TRMT11: variants seen among roughly 807,000 people sequenced by gnomAD.
TRMT11 encodes tRNA (guanine(10)-N(2))-methyltransferase TRMT11.
In TRMT11, 53 loss-of-function variants were observed where a neutral mutation model predicts 62.8. That is an observed-to-expected ratio of 0.84 (90% CI 0.68 to 1.06). The LOEUF (loss-of-function observed/expected upper bound fraction) is 1.06. Ranked by LOEUF, TRMT11 falls within the 50% of genes least tolerant of loss-of-function variation. The pLI, the probability that TRMT11 is intolerant of heterozygous loss-of-function variation, is 0.00. For missense variants in TRMT11, 556 were observed against 553.4 expected, an observed-to-expected ratio of 1.00 and a Z score of -0.05; for synonymous variants, 188 against 190.3, an observed-to-expected ratio of 0.99 and a Z score of 0.10.
At chr6:126,192,999 A>G (rs1471666673) in intron 1 of TRMT11, among the ~76,000 whole-genome samples, 1 of 152,164 alleles carries the variant, frequency 6.6e-6, no homozygotes, top group East Asian at 1.9e-4. Flanking sequence ...ATAGGTTAGT[A>G]GAATTGGTAT....
intron 17 of TRMT11, among the ~76,000 whole-genome samples, chr6:126,066,505 A>C (rs567373465): frequency 8.5e-5 from 13 of 152,196 alleles, no homozygotes; most frequent in African/African-American, 3.1e-4. Context: ...AGGGAGCTCT[A>C]ACCTGTTTCT....
chr6:126,066,923 A>T (rs1776708620), intron 17 of TRMT11, among the ~76,000 whole-genome samples: 1 of 138,100 alleles, frequency 7.2e-6, no homozygotes, highest in Non-Finnish European at 1.6e-5. Context: ...TTCATGACTT[A>T]AAAAAAAAAA....
the TRMT11 span, among the ~76,000 whole-genome samples, chr6:126,239,976 A>G: frequency 1.3e-5 from 2 of 151,990 alleles, no homozygotes; most frequent in Non-Finnish European, 2.9e-5. Context: ...CATCACTGAT[A>G]CCCTTTCTTC....
At chr6:126,010,729 G>A (rs1460091667) in intron 8 of TRMT11, among the ~76,000 whole-genome samples, 1 of 151,986 alleles carries the variant, frequency 6.6e-6, no homozygotes, top group Non-Finnish European at 1.5e-5. Flanking sequence ...AATCACTGGT[G>A]TCATCATCCT....
intron 16 of TRMT11, among the ~76,000 whole-genome samples, chr6:126,048,413 C>T (rs1776120160): frequency 6.6e-6 from 1 of 152,138 alleles, no homozygotes; most frequent in Admixed American, 6.5e-5. Flanking sequence ...GTGGTTTGAT[C>T]CACCACTTGG....
chr6:126,185,411 A>T (rs1050816298), intron 1 of TRMT11, among the ~76,000 whole-genome samples: 1 of 152,148 alleles, frequency 6.6e-6, no homozygotes, highest in Non-Finnish European at 1.5e-5. Context: ...CTTCTTTTGC[A>T]TGTCCTGGCC....
intron 21 of TRMT11, among the ~76,000 whole-genome samples, chr6:126,131,859 A>G (rs1474719124): frequency 1.3e-5 from 2 of 152,026 alleles, no homozygotes; most frequent in Non-Finnish European, 2.9e-5. Context: ...TGAGTATGAT[A>G]TAAAACCTCA....
the TRMT11 span, chr6:126,258,133 G>T: frequency 1.2e-6 from 1 of 819,658 alleles, no homozygotes; most frequent in Non-Finnish European, 2.1e-6. Flanking sequence ...TGTGTCAGCT[G>T]CTCCATGATC....
chr6:126,247,275 A>G, the TRMT11 span, among the ~76,000 whole-genome samples: 1 of 152,140 alleles, frequency 6.6e-6, no homozygotes, highest in East Asian at 1.9e-4. Flanking sequence ...ACTAGCCCTC[A>G]GTTCATAACT....
intron 17 of TRMT11, among the ~76,000 whole-genome samples, chr6:126,091,734 A>C (rs914383893): frequency 1.3e-5 from 2 of 152,192 alleles, no homozygotes; most frequent in Non-Finnish European, 2.9e-5. Flanking sequence ...ATAGAAGCCT[A>C]AGGAGCACTA....
intron 16 of TRMT11, among the ~76,000 whole-genome samples, chr6:126,048,842 G>A (rs1179231131): frequency 6.6e-6 from 1 of 152,182 alleles, no homozygotes; most frequent in Non-Finnish European, 1.5e-5. Flanking sequence ...CCTCTTTAGA[G>A]CTATTGGTTG....
intron 21 of TRMT11, among the ~76,000 whole-genome samples, chr6:126,159,191 T>C (rs959396213): frequency 8.5e-5 from 13 of 152,208 alleles, no homozygotes; most frequent in Admixed American, 8.5e-4. Flanking sequence ...TATTTGCAAG[T>C]GATATGTGCC....
At chr6:126,207,194 G>A (rs1179202737), downstream of TRMT11, among the ~76,000 whole-genome samples, 1 of 152,152 alleles carries the variant, frequency 6.6e-6, no homozygotes, top group Non-Finnish European at 1.5e-5. Flanking sequence ...ACATTCCCCA[G>A]TCTAAGATGA....
intron 21 of TRMT11, among the ~76,000 whole-genome samples, chr6:126,132,706 G>T (rs1027296269): frequency 1.3e-5 from 2 of 151,962 alleles, no homozygotes; most frequent in East Asian, 3.9e-4. Context: ...ATGACACCAC[G>T]ACTGTTTTTA....
rs537041255 is a variant in TRMT11 at position 126,037,859 on chromosome 6, A to G, written c.1261-846A>G. Among the ~76,000 whole-genome samples, 85 of 152,228 alleles carry G rather than the reference A, an allele frequency of 5.6e-4. 1 individual carries two copies. In the South Asian group the frequency reaches 7.3e-3, roughly 13 times the overall value. On this transcript the variant is annotated intron_variant, in intron 12 of 12. Transcript: ENST00000334379. ...ACCATTTTGATACTGAAATCTGGAT[A>G]AAAAATTAGGCTTCATGTTTTCCAT...
chr6:126,134,498 G>C (rs1254120991), intron 21 of TRMT11, among the ~76,000 whole-genome samples: 1 of 151,774 alleles, frequency 6.6e-6, no homozygotes. Context: ...ATATATATAA[G>C]AAAATATTAA....
the TRMT11 span, among the ~76,000 whole-genome samples, chr6:126,235,466 G>A: frequency 0.092 from 14,009 of 152,220 alleles, 2,117 homozygotes; most frequent in African/African-American, 0.32. Flanking sequence ...ATGCCCATCA[G>A]TGATAGACAG....
chr6:126,262,179 T>A, the TRMT11 span, among the ~76,000 whole-genome samples: 24 of 152,204 alleles, frequency 1.6e-4, no homozygotes, highest in African/African-American at 4.6e-4. Flanking sequence ...GGATTCAGTG[T>A]GAGTGTAGTG....
At position 126,010,031 on chromosome 6, in the gene TRMT11, CTT is replaced by C. The variant is rs375634299; in HGVS notation, c.761-1213_761-1212del. 5.9e-3 allele frequency among the ~76,000 whole-genome samples: 874 copies of C among 148,492 alleles called. 8 individuals carry two copies. The highest frequency in any genetic ancestry group is 0.019 in the African/African-American group (773 of 40,612). ...TTTCTCCTGTTTTAAAAGTACAAAA[CTT>C]TTTTTTTTGGCAAATCTGTAGAGGT... On this transcript the variant is annotated intron_variant, in intron 8 of 12. Transcript: ENST00000334379.
Sources: allele counts gnomAD v4.1 joint callset (sites outside exome capture counted in the v4.1 genomes callset), GRCh38; gene constraint gnomAD v4.1.1; transcripts MANE v1.5; gene names NCBI Gene and HGNC (gene_info 2026-07-23, HGNC 2026-07-21).